Variants in MAGEA4 observed in about 807,000 individuals in gnomAD.
The protein encoded by MAGEA4 is MAGE family member A4.
In MAGEA4, 1 loss-of-function variant was observed where a neutral mutation model predicts 13.7. That is an observed-to-expected ratio of 0.07 (90% CI 0.03 to 0.35). The LOEUF is 0.35. MAGEA4 is among the 10% of genes least tolerant of loss of function. The pLI is 0.99. For synonymous variants in MAGEA4, 132 were observed against 101.1 expected, an observed-to-expected ratio of 1.31 and a Z score of -1.83; for missense variants, 312 against 245.1, an observed-to-expected ratio of 1.27 and a Z score of -1.82.
chrX:151,923,727 G>A lies in MAGEA4; in HGVS notation c.63G>A (p.Glu21=). 3.3e-6 allele frequency: 4 copies of A among 1,211,001 alleles called. No individual in the cohort carries two copies. The highest frequency in any genetic ancestry group is 4.5e-6 in the Non-Finnish European group (4 of 895,286). The change falls in exon 3 of 3, where the codon GAG becomes GAA. Residue 21 remains glutamate, a synonymous_variant. Transcript: ENST00000276344. The part of the protein sequence containing the change: ...KPEEGVEAQE[E]ALGLVGAQAP... ...AGGAAGGCGTTGAGGCCCAAGAAGA[G>A]GCCCTGGGCCTGGTGGGTGCACAGG... is the stretch of plus-strand genomic sequence containing the variant.
At chrX:151,921,218 A>G (rs779700078) in intron 1 of MAGEA4, among the ~76,000 whole-genome samples, 29 of 112,376 alleles carry the variant, frequency 2.6e-4, no homozygotes, top group African/African-American at 8.4e-4. Flanking sequence ...CCCTTCTGCT[A>G]TCAATCCAGG....
intron 1 of MAGEA4, among the ~76,000 whole-genome samples, chrX:151,922,049 C>G (rs1487549010): frequency 9.0e-6 from 1 of 110,984 alleles, no homozygotes; most frequent in Admixed American, 9.5e-5. Context: ...AGGTAGCCAC[C>G]TGTAGCTCAT....
Position 151,925,093 on chromosome X carries a change from T to C in MAGEA4, c.*475T>C, listed in dbSNP as rs1933650523. The C allele has an allele frequency of 8.2e-6, 1 of 121,791 alleles. No homozygotes were observed. Among genetic ancestry groups the C allele is most frequent in the African/African-American group, 3.2e-5 (1 of 30,845 alleles). 10.0% of individuals were successfully genotyped at this position (121,791 alleles called of 1,213,427 possible). On this transcript the variant is annotated 3_prime_UTR_variant, in exon 3 of 3. Coordinates refer to ENST00000276344, the MANE Select transcript of MAGEA4 (RefSeq NM_001011548.1). Reference sequence around the variant, plus strand: ...AGTCTATTCTGTAAAATTTAAAAAATATATATGCATACCTGGATTTCCTTG... The same window carrying C: ...AGTCTATTCTGTAAAATTTAAAAAACATATATGCATACCTGGATTTCCTTG...
In MAGEA4 at chrX:151,923,994, C is replaced by G. The variant is rs1046456676; in HGVS notation, c.330C>G (p.Leu110=). 8.3e-7 allele frequency: 1 copy of G among 1,211,938 alleles called. No homozygotes were observed. Among genetic ancestry groups the G allele is most frequent in the Non-Finnish European group, 1.1e-6 (1 of 895,534 alleles). ...CAGAGTCCTTGTTCCGAGAAGCACT[C>G]AGTAACAAGGTGGATGAGTTGGCTC... ...PDAESLFREA[L]SNKVDELAHF... Residue 110 remains leucine, a synonymous_variant, in exon 3 of 3, where the codon CTC becomes CTG. Coordinates refer to ENST00000276344, the MANE Select transcript of MAGEA4 (RefSeq NM_001011548.1).
intron 1 of MAGEA4, 54 bp from the exon 2 acceptor site, chrX:151,923,399 T>TC: frequency 9.8e-7 from 1 of 1,021,208 alleles, no homozygotes; most frequent in Non-Finnish European, 1.3e-6. Flanking sequence ...TCCTGCAGAA[T>TC]CGACCTCTGC....
rs201017700 is a variant in MAGEA4, at chrX:151,924,463, C to T, written c.799C>T (p.Pro267Ser). ...LEYRQVPGSN[P>S]ARYEFLWGPR... is the part of the protein sequence containing the mutation. ...GTACCGGCAGGTACCCGGCAGTAAT[C>T]CTGCGCGCTATGAGTTCCTGTGGGG... The change falls in exon 3 of 3, where the codon CCT becomes TCT. Residue 267 changes from proline (P) to serine (S), a missense_variant. Pro to Ser is a moderately conservative substitution (Grantham distance 74). Coordinates refer to ENST00000276344, the MANE Select transcript of MAGEA4 (RefSeq NM_001011548.1). 3.7e-5 allele frequency: 45 copies of T among 1,210,326 alleles called. No individual in the cohort carries two copies. In the Admixed American group the frequency reaches 5.4e-4, roughly 15 times the overall value.
intron 1 of MAGEA4, chrX:151,919,734 AG>A (rs1272816727): frequency 1.3e-6 from 1 of 751,225 alleles, no homozygotes; most frequent in Non-Finnish European, 1.6e-6. Context: ...TGAGACGCTG[AG>A]GGAGGACTCA....
intron 1 of MAGEA4, chrX:151,918,120 G>C (rs1933162454): frequency 2.7e-5 from 1 of 36,883 alleles, no homozygotes; most frequent in Non-Finnish European, 5.0e-5. Flanking sequence ...CGCTGAATCG[G>C]GTTCCGCTTC....
chrX:151,918,885 T>G (rs1933238809), intron 1 of MAGEA4: 1 of 670,899 alleles, frequency 1.5e-6, no homozygotes, highest in Non-Finnish European at 1.7e-6. Context: ...CTGAATCTGA[T>G]TTCTGGTTTC....
intron 2 of MAGEA4, 26 bp downstream of exon 2, chrX:151,923,550 T>A (rs1286656022): frequency 8.3e-7 from 1 of 1,208,863 alleles, no homozygotes; most frequent in Admixed American, 2.2e-5. Context: ...TTAGAGCCTC[T>A]AAGATTTGGT....
chrX:151,920,634 C>G (rs1933388079), intron 1 of MAGEA4, among the ~76,000 whole-genome samples: 1 of 95,333 alleles, frequency 1.0e-5, no homozygotes, highest in African/African-American at 3.9e-5. Flanking sequence ...CCTCCCCAAC[C>G]CCCCAACCAG....
intron 1 of MAGEA4, chrX:151,913,991 C>A (rs1933021958): frequency 1.1e-5 from 1 of 89,404 alleles, no homozygotes; most frequent in Admixed American, 1.3e-4. Context: ...AACCCGGGCC[C>A]TTCTACCAAC....
In MAGEA4 at chrX:151,924,215, G is replaced by C. The variant is rs1263321883; in HGVS notation, c.551G>C (p.Gly184Ala). ...SNTYTLVTCL[G>A]LSYDGLLGNN... ...ACCTACACCCTTGTCACCTGCCTGG[G>C]CCTTTCCTATGATGGCCTGCTGGGT... Residue 184 changes from glycine to alanine, a missense_variant, in exon 3 of 3, where the codon GGC becomes GCC. Gly to Ala is a moderately conservative substitution (Grantham distance 60, BLOSUM62 0). Transcript: ENST00000276344. 8.3e-7 allele frequency: 1 copy of C among 1,210,989 alleles called. No individual in the cohort carries two copies. The highest frequency in any genetic ancestry group is 3.0e-5 in the East Asian group (1 of 33,824).
chrX:151,919,065 G>A, intron 1 of MAGEA4: 2 of 748,717 alleles, frequency 2.7e-6, no homozygotes, highest in Non-Finnish European at 1.6e-6. Context: ...GACTCAGGAG[G>A]CCCCCACCCC....
In MAGEA4 at chrX:151,918,455, A is replaced by T. The variant is rs1290398609; in HGVS notation, c.-137-4998A>T. The T allele has an allele frequency of 2.5e-5, 2 of 81,448 alleles. 1 individual carries two copies. The highest frequency in any genetic ancestry group is 3.5e-5 in the Non-Finnish European group (2 of 57,381). 6.7% of individuals were successfully genotyped at this position (81,448 alleles called of 1,213,427 possible). On this transcript the variant is annotated intron_variant, in intron 1 of 2. Transcript: ENST00000276344. ...CCTGCCGTGGGCCACCTGTGGGCGG[A>T]CTTCTGAGCTTGGGGCGCCCACCAC...
At chrX:151,922,150 A>G (rs979666650) in intron 1 of MAGEA4, among the ~76,000 whole-genome samples, 34 of 110,930 alleles carry the variant, frequency 3.1e-4, no homozygotes, top group African/African-American at 1.0e-3. Context: ...CCCAGGATCT[A>G]CAGGACCCAA....
intron 1 of MAGEA4, among the ~76,000 whole-genome samples, chrX:151,923,071 G>A (rs1933521213): frequency 8.9e-6 from 1 of 112,112 alleles, no homozygotes; most frequent in South Asian, 3.7e-4. Flanking sequence ...AAATGTGAGG[G>A]CCCTGAGTGA....
Position 151,924,053 on chromosome X carries a change from T to C in MAGEA4, c.389T>C (p.Leu130Pro), listed in dbSNP as rs752017073. ...CTCCGCAAGTATCGAGCCAAGGAGC[T>C]GGTCACAAAGGCAGAAATGCTGGAG... ...FLLRKYRAKE[L>P]VTKAEMLERV... The change falls in exon 3 of 3, where the codon CTG becomes CCG. Residue 130 changes from leucine (L) to proline (P), a missense_variant. Leu to Pro is a moderately conservative substitution (Grantham distance 98, BLOSUM62 -3). Transcript: ENST00000276344. 2.2e-5 allele frequency: 27 copies of C among 1,210,855 alleles called. No homozygotes were observed. Among genetic ancestry groups the C allele is most frequent in the East Asian group, 1.2e-4 (4 of 33,752 alleles).
At chrX:151,919,736 G>A (rs1933319074) in intron 1 of MAGEA4, 1 of 750,935 alleles carries the variant, frequency 1.3e-6, no homozygotes, top group African/African-American at 2.3e-5. Flanking sequence ...AGACGCTGAG[G>A]GAGGACTCAG....
Sources: allele counts gnomAD v4.1 joint callset (sites outside exome capture counted in the v4.1 genomes callset), GRCh38; gene constraint gnomAD v4.1.1; transcripts MANE v1.5; gene names NCBI Gene and HGNC (gene_info 2026-07-23, HGNC 2026-07-21).